Variants in VTA1 observed in about 807,000 individuals in gnomAD.
VTA1 encodes vesicle trafficking 1, also known as vacuolar protein sorting-associated protein VTA1 homolog.
Under a neutral mutation model 36.9 loss-of-function variants are expected in VTA1, and 24 were observed. The ratio of observed to expected loss-of-function variants is 0.65; its 90% confidence interval spans 0.47 to 0.91. The LOEUF (loss-of-function observed/expected upper bound fraction) is 0.91, where lower values mean the gene tolerates loss of function less well. VTA1 is among the 40% of genes least tolerant of loss of function. The probability of loss-of-function intolerance (pLI) is 0.00; values close to 1 mark genes in which losing one functional copy is unlikely to be tolerated. For missense variants in VTA1, 393 were observed against 377.2 expected (o/e 1.04, Z -0.35); for synonymous variants, 142 against 130.2 (o/e 1.09, Z -0.62).
intron 1 of VTA1, among the ~76,000 whole-genome samples, chr6:142,162,273 C>T (rs941482598): frequency 6.6e-6 from 1 of 152,132 alleles, no homozygotes; most frequent in African/African-American, 2.4e-5. Context: ...AGGAATCAAC[C>T]TTATTTCTCT....
In VTA1 at chr6:142,202,934, G is replaced by A. The variant is rs545915352; in HGVS notation, c.698-1051G>A. ...GTTCCAAAGGGTATAAATACAGAGC[G>A]AGTTTGTCCTGGAAAACAATTAAGT... On this transcript the variant is annotated intron_variant, in intron 6 of 7. Transcript: ENST00000367630. Among the ~76,000 whole-genome samples the A allele has an allele frequency of 1.1e-3, 169 of 151,998 alleles. 1 individual carries two copies. Among genetic ancestry groups the A allele is most frequent in the African/African-American group, 3.0e-3 (123 of 41,522 alleles).
At chr6:142,189,818 G>A (rs976273591) in intron 5 of VTA1, among the ~76,000 whole-genome samples, 23 of 151,708 alleles carry the variant, frequency 1.5e-4, no homozygotes, top group African/African-American at 4.6e-4. Context: ...GTGCAGTGGC[G>A]CAGTCTCTGC....
intron 5 of VTA1, among the ~76,000 whole-genome samples, chr6:142,195,262 A>G (rs894173509): frequency 1.3e-5 from 2 of 149,842 alleles, no homozygotes; most frequent in Admixed American, 6.7e-5. Context: ...AATTTCCCCA[A>G]TAGATTTAGG....
intron 1 of VTA1, among the ~76,000 whole-genome samples, chr6:142,151,097 G>A (rs1477898442): frequency 6.6e-6 from 1 of 152,128 alleles, no homozygotes; most frequent in East Asian, 1.9e-4. Context: ...TCCGAAGAGG[G>A]AGGAGTTATT....
chr6:142,149,753 A>G (rs1284756827), intron 1 of VTA1, among the ~76,000 whole-genome samples: 1 of 152,098 alleles, frequency 6.6e-6, no homozygotes, highest in East Asian at 1.9e-4. Flanking sequence ...TTCTGATTTT[A>G]TAGGCTTTCA....
chr6:142,218,716 C>G lies in VTA1; in HGVS notation c.*73C>G. On this transcript the variant is annotated 3_prime_UTR_variant, in exon 8 of 8. Transcript: ENST00000367630. ...GTCCATTACTCTATCTTCAGCCTATCAGGATCACAGTTTTAAGGAAGACTT... is the reference window on the plus strand; with the variant it reads ...GTCCATTACTCTATCTTCAGCCTATGAGGATCACAGTTTTAAGGAAGACTT... 1 of 1,476,218 alleles carries G rather than the reference C, an allele frequency of 6.8e-7. No individual in the cohort carries two copies. The highest frequency in any genetic ancestry group is 2.5e-5 in the Admixed American group (1 of 39,356). 91.4% of individuals were successfully genotyped at this position (1,476,218 alleles called of 1,614,324 possible).
At chr6:142,192,017 TTAGA>T (rs1775464885) in intron 5 of VTA1, among the ~76,000 whole-genome samples, 2 of 152,150 alleles carry the variant, frequency 1.3e-5, no homozygotes, top group South Asian at 2.1e-4. Context: ...CTTAGTTAAC[TTAGA>T]TAAAGAACAA....
intron 5 of VTA1, 28 bp downstream of exon 5, chr6:142,189,562 G>T (rs759091364): frequency 6.4e-7 from 1 of 1,555,938 alleles, no homozygotes; most frequent in Non-Finnish European, 8.8e-7. Context: ...CTGAGTAAAA[G>T]GACTTAGTAG....
Position 142,189,466 on chromosome 6 carries a change from A to G in VTA1, c.452A>G (p.Tyr151Cys). 3 of 1,614,082 alleles carry G rather than the reference A, an allele frequency of 1.9e-6. No individual in the cohort carries two copies. The highest frequency in any genetic ancestry group is 2.2e-5 in the South Asian group (2 of 91,076). Residue 151 changes from tyrosine (Y) to cysteine (C), a missense_variant, in exon 5 of 8, where the codon TAC (tyrosine) becomes TGC (cysteine). Physicochemically the swap from Tyr to Cys is radical, Grantham distance 194. Coordinates refer to ENST00000367630, the MANE Select transcript of VTA1 (RefSeq NM_016485.5). ...AAGTATGCCAGATGGAAGGCAACAT[A>G]CATCCATAATTGTTTAAAGAATGGG... is the stretch of plus-strand genomic sequence containing the variant. ...HRKYARWKAT[Y>C]IHNCLKNGET... is the part of the protein sequence containing the mutation.
At chr6:142,161,765 A>G (rs1236034954) in intron 1 of VTA1, among the ~76,000 whole-genome samples, 1 of 152,072 alleles carries the variant, frequency 6.6e-6, no homozygotes, top group African/African-American at 2.4e-5. Flanking sequence ...AGAGTTCTTT[A>G]TGAAAGAGAT....
chr6:142,149,214 A>G (rs1258218013), intron 1 of VTA1, among the ~76,000 whole-genome samples: 1 of 152,174 alleles, frequency 6.6e-6, no homozygotes, highest in Non-Finnish European at 1.5e-5. Flanking sequence ...CTTTCAGCCC[A>G]TGCAGTCTGG....
Position 142,218,639 on chromosome 6 carries a change from A to G in VTA1, c.920A>G (p.Glu307Gly). ...KALKLLTTGR[E>G] The stretch of plus-strand genomic sequence containing the variant: ...CTCAAGTTACTGACGACAGGCAGAG[A>G]ATGAAGCCTTTGTATGACAGACCCA... The change falls in exon 8 of 8, where the codon GAA becomes GGA. Residue 307 changes from glutamate to glycine, a missense_variant. Transcript: ENST00000367630. 6.2e-7 allele frequency: 1 copy of G among 1,608,700 alleles called. No homozygotes were observed.
intron 7 of VTA1, 31 bp from the exon 8 acceptor site, chr6:142,218,467 A>G (rs1050552144): frequency 6.2e-7 from 1 of 1,607,856 alleles, no homozygotes; most frequent in South Asian, 1.1e-5. Context: ...TTATATTCTT[A>G]TAAATATCCC....
chr6:142,170,325 C>CT (rs747555126), intron 3 of VTA1, 21 bp from the exon 4 acceptor site: 21 of 1,419,784 alleles, frequency 1.5e-5, no homozygotes, highest in African/African-American at 1.2e-4. Context: ...TTAAACTAGA[C>CT]CGCTCTCTTT....
At position 142,198,382 on chromosome 6, in the gene VTA1, C is replaced by T. The variant is rs539967775; in HGVS notation, c.521-57C>T. 3.5e-5 allele frequency: 54 copies of T among 1,529,228 alleles called. No homozygotes were observed. The South Asian group carries it at 6.3e-4, about 18-fold the overall frequency. The allele number at this position is 1,529,228 out of a possible 1,614,324, so 94.7% of individuals were successfully genotyped here. A position where few individuals can be genotyped will look rare whatever the true frequency, so the allele number is the denominator to read the frequency against. ...TCATGTGTATAATGAAATAAGAATA[C>T]CTAGCACTTGTATTTCAAAATACCT... is the stretch of plus-strand genomic sequence containing the variant. On this transcript the variant is annotated intron_variant, in intron 5 of 7. Transcript: ENST00000367630.
At chr6:142,211,435 A>C (rs146693374) in intron 7 of VTA1, among the ~76,000 whole-genome samples, 1 of 152,342 alleles carries the variant, frequency 6.6e-6, no homozygotes, top group African/African-American at 2.4e-5. Context: ...AGATTTCATT[A>C]AGATTAAAAT....
chr6:142,180,723 A>G (rs1358413701), intron 4 of VTA1, among the ~76,000 whole-genome samples: 1 of 152,186 alleles, frequency 6.6e-6, no homozygotes, highest in Non-Finnish European at 1.5e-5. Context: ...GCATCCTAAT[A>G]AGATGATCTG....
intron 4 of VTA1, among the ~76,000 whole-genome samples, chr6:142,173,856 G>A (rs1254083660): frequency 6.6e-6 from 1 of 152,108 alleles, no homozygotes; most frequent in Non-Finnish European, 1.5e-5. Flanking sequence ...CAGTGAGAAG[G>A]CTTCATGTGA....
At chr6:142,176,761 C>T (rs1374474435) in intron 4 of VTA1, among the ~76,000 whole-genome samples, 1 of 152,180 alleles carries the variant, frequency 6.6e-6, no homozygotes, top group Non-Finnish European at 1.5e-5. Flanking sequence ...AATCCAGTTT[C>T]AGTATTATGT....
Sources: gnomAD v4.1 joint callset for allele counts (sites outside exome capture counted in the v4.1 genomes callset) on GRCh38, gnomAD v4.1.1 for gene constraint, MANE v1.5 for transcripts, NCBI Gene and HGNC (gene_info 2026-07-23, HGNC 2026-07-21) for gene names.